The following SNAPC3 variants were observed in gnomAD, a reference collection of about 807,000 sequenced individuals.
The protein encoded by SNAPC3 is snRNA-activating protein complex subunit 3.
In SNAPC3, 56 loss-of-function variants were observed where a neutral mutation model predicts 47.7. The observed-to-expected ratio is 1.18, with a 90% CI of 0.95 to 1.47. The LOEUF (loss-of-function observed/expected upper bound fraction) is 1.47. SNAPC3 is among the 40% of genes most tolerant of loss of function. The pLI, the probability that SNAPC3 is intolerant of heterozygous loss-of-function variation, is 0.00. For synonymous variants in SNAPC3, 235 were observed against 189.9 expected, an observed-to-expected ratio of 1.24 and a Z score of -1.95; for missense variants, 665 against 511.3, an observed-to-expected ratio of 1.30 and a Z score of -2.90.
intron 5 of SNAPC3, among the ~76,000 whole-genome samples, chr9:15,449,544 TATATATATA>T (rs1375291050): frequency 2.8e-4 from 10 of 35,828 alleles, no homozygotes; most frequent in African/African-American, 1.0e-3. Flanking sequence ...ATTATATATA[TATATATATA>T]TATATATATA....
intron 2 of SNAPC3, among the ~76,000 whole-genome samples, chr9:15,431,238 T>A (rs1471763109): frequency 6.6e-6 from 1 of 152,154 alleles, no homozygotes; most frequent in Non-Finnish European, 1.5e-5. Context: ...GAGGGTGGAT[T>A]TCCAGCAAGT....
At chr9:15,435,783 A>G (rs1051149853) in intron 3 of SNAPC3, among the ~76,000 whole-genome samples, 1 of 149,738 alleles carries the variant, frequency 6.7e-6, no homozygotes, top group African/African-American at 2.4e-5. Context: ...CCCTTACCAT[A>G]TAAGTAATTT....
intron 2 of SNAPC3, among the ~76,000 whole-genome samples, chr9:15,425,770 C>T (rs866977558): frequency 2.0e-4 from 31 of 152,216 alleles, no homozygotes; most frequent in African/African-American, 4.1e-4. Flanking sequence ...GATTGTCACT[C>T]CCTTGCCTAA....
chr9:15,428,426 G>A (rs1321135396), intron 2 of SNAPC3, among the ~76,000 whole-genome samples: 6 of 149,538 alleles, frequency 4.0e-5, no homozygotes, highest in African/African-American at 1.2e-4. Context: ...GGAGAATGGC[G>A]TGAACCTGGG....
At chr9:15,430,956 A>G (rs77837667) in intron 2 of SNAPC3, among the ~76,000 whole-genome samples, 2,071 of 152,304 alleles carry the variant, frequency 0.014, 27 homozygotes, top group Non-Finnish European at 0.018. Context: ...CTCTGTAAAA[A>G]TGGACCTTGG....
intron 2 of SNAPC3, among the ~76,000 whole-genome samples, chr9:15,432,365 C>G (rs1483240562): frequency 2.0e-5 from 3 of 152,030 alleles, no homozygotes; most frequent in Non-Finnish European, 4.4e-5. Flanking sequence ...AGCAGTGACT[C>G]CAGTAACAAT....
At chr9:15,428,264 C>A (rs906197332) in intron 2 of SNAPC3, among the ~76,000 whole-genome samples, 1 of 151,994 alleles carries the variant, frequency 6.6e-6, no homozygotes, top group Non-Finnish European at 1.5e-5. Context: ...TAAAATCTAA[C>A]GAGAGCTTGT....
chr9:15,461,349 AC>A lies in SNAPC3; in HGVS notation c.*1484del, dbSNP rs1037333695. On this transcript the variant is annotated 3_prime_UTR_variant, in exon 9 of 9. Transcript: ENST00000380821. The stretch of plus-strand genomic sequence containing the variant: ...GCTAATTTTTTTATTTCTTGTAGAT[AC>A]AGGGTTTCACTATGTTGCGCAGAAT... The A allele has an allele frequency of 5.3e-5, 8 of 152,282 alleles. No individual in the cohort carries two copies. The highest frequency in any genetic ancestry group is 1.9e-4 in the African/African-American group (8 of 41,566). The allele number at this position is 152,282 out of a possible 1,614,324, so 9.4% of individuals were successfully genotyped here.
At chr9:15,433,444 A>G in intron 2 of SNAPC3, 108 bp from the exon 3 acceptor site, 3 of 737,092 alleles carry the variant, frequency 4.1e-6, no homozygotes, top group South Asian at 3.1e-5. Context: ...TGCTTTTGCT[A>G]CTTAAAATTA....
downstream of SNAPC3, chr9:15,464,676 T>A: frequency 5.0e-6 from 1 of 198,084 alleles, no homozygotes; most frequent in African/African-American, 2.3e-5. Context: ...TAAAGACATT[T>A]TTAACAACAT....
At chr9:15,446,408 T>A (rs1463158477) in intron 4 of SNAPC3, among the ~76,000 whole-genome samples, 1 of 152,178 alleles carries the variant, frequency 6.6e-6, no homozygotes, top group Non-Finnish European at 1.5e-5. Context: ...GGTTTTGCTA[T>A]GTTGCCCAGG....
chr9:15,430,481 A>C (rs770702348), intron 2 of SNAPC3, among the ~76,000 whole-genome samples: 1 of 152,174 alleles, frequency 6.6e-6, no homozygotes, highest in Non-Finnish European at 1.5e-5. Context: ...AAAAAGAACA[A>C]CAAAGTAAGT....
chr9:15,448,589 G>A (rs576659850), intron 5 of SNAPC3, among the ~76,000 whole-genome samples: 11 of 152,202 alleles, frequency 7.2e-5, no homozygotes, highest in Non-Finnish European at 1.2e-4. Context: ...ATGTGTGTCC[G>A]TCTGCTCCAC....
At chr9:15,432,301 A>G (rs917892725) in intron 2 of SNAPC3, among the ~76,000 whole-genome samples, 30 of 152,356 alleles carry the variant, frequency 2.0e-4, no homozygotes, top group African/African-American at 7.0e-4. Context: ...TTATACATGT[A>G]TAGGTTAGTA....
intron 5 of SNAPC3, among the ~76,000 whole-genome samples, chr9:15,448,920 G>A (rs1355062231): frequency 3.3e-5 from 5 of 151,444 alleles, no homozygotes; most frequent in South Asian, 2.1e-4. Context: ...AGTGATTCTC[G>A]TGCTTCAGCC....
In SNAPC3 at chr9:15,459,784, G is replaced by T. The variant is rs142940933; in HGVS notation, c.1154G>T (p.Arg385Leu). The change falls in exon 9 of 9, where the codon CGA becomes CTA. Residue 385 changes from arginine to leucine, a missense_variant. Transcript: ENST00000380821. ...DPCFFCDVCF[R>L]MLHYDSEGNK... Reference sequence around the variant, plus strand: ...TGCTTCTTTTGTGATGTTTGCTTCCGAATGCTGCACTATGATTCAGAAGGC... The same window carrying T: ...TGCTTCTTTTGTGATGTTTGCTTCCTAATGCTGCACTATGATTCAGAAGGC... 3 of 1,613,474 alleles carry T rather than the reference G, an allele frequency of 1.9e-6. No individual in the cohort carries two copies. Among genetic ancestry groups the T allele is most frequent in the Non-Finnish European group, 2.5e-6 (3 of 1,179,674 alleles).
intron 3 of SNAPC3, among the ~76,000 whole-genome samples, chr9:15,437,838 T>C (rs1266841464): frequency 6.6e-6 from 1 of 152,182 alleles, no homozygotes; most frequent in Non-Finnish European, 1.5e-5. Flanking sequence ...TTCACAAAAA[T>C]TAAACACATT....
chr9:15,434,876 G>A (rs751021972), intron 3 of SNAPC3, among the ~76,000 whole-genome samples: 34 of 152,078 alleles, frequency 2.2e-4, no homozygotes, highest in Admixed American at 1.9e-3. Context: ...TGGCTATTGC[G>A]AATAATGCTG....
In SNAPC3 at chr9:15,422,929, G is replaced by A; in HGVS notation, c.50G>A (p.Arg17Lys). 6.5e-7 allele frequency: 1 copy of A among 1,537,734 alleles called. No homozygotes were observed. Among genetic ancestry groups the A allele is most frequent in the Non-Finnish European group, 8.7e-7 (1 of 1,144,232 alleles). Reference protein sequence around the residue: ...GGPTCSGVGGRQDPVSGSGGC... With the variant: ...GGPTCSGVGGKQDPVSGSGGC... ...CCTACGTGTAGCGGGGTGGGTGGCAGGCAGGACCCAGTCTCCGGCAGTGGC... is the reference window on the plus strand; with the variant it reads ...CCTACGTGTAGCGGGGTGGGTGGCAAGCAGGACCCAGTCTCCGGCAGTGGC... The change falls in exon 1 of 9, where the codon AGG becomes AAG. Residue 17 changes from arginine (R) to lysine (K), a missense_variant. By Grantham distance (26) the Arg-to-Lys change is conservative. Coordinates refer to ENST00000380821, the MANE Select transcript of SNAPC3 (RefSeq NM_001039697.2).
Sources: gnomAD v4.1 joint callset for allele counts (sites outside exome capture counted in the v4.1 genomes callset) on GRCh38, gnomAD v4.1.1 for gene constraint, MANE v1.5 for transcripts, NCBI Gene and HGNC (gene_info 2026-07-23, HGNC 2026-07-21) for gene names.